Variants in TSPAN18 observed in about 807,000 individuals in gnomAD.
The protein encoded by TSPAN18 is tetraspanin 18.
Under a neutral mutation model 27.3 loss-of-function variants are expected in TSPAN18, and 14 were observed. The ratio of observed to expected loss-of-function variants is 0.51; its 90% CI spans 0.34 to 0.80. The LOEUF is 0.80. TSPAN18 is among the 30% of genes least tolerant of loss of function. The pLI is 0.01. For missense variants in TSPAN18, 268 were observed against 323.9 expected (o/e 0.83, Z 1.32); for synonymous variants, 143 against 136.5 (o/e 1.05, Z -0.33).
At chr11:44,798,620 T>G (rs1856405627) in intron 2 of TSPAN18, among the ~76,000 whole-genome samples, 1 of 152,130 alleles carries the variant, frequency 6.6e-6, no homozygotes, top group African/African-American at 2.4e-5. Context: ...TGGGCAGCCC[T>G]CACCCCCTGC....
chr11:44,793,651 A>G (rs774503505), intron 2 of TSPAN18, among the ~76,000 whole-genome samples: 42 of 152,194 alleles, frequency 2.8e-4, no homozygotes, highest in Non-Finnish European at 5.3e-4. Context: ...GTGCATTGCC[A>G]GGAATGCTTG....
At chr11:44,802,569 A>G (rs1026769018) in intron 2 of TSPAN18, among the ~76,000 whole-genome samples, 3 of 143,270 alleles carry the variant, frequency 2.1e-5, no homozygotes, top group African/African-American at 8.0e-5. Flanking sequence ...CCCAGCCCCC[A>G]CTGGATGGAG....
At chr11:44,811,411 A>G (rs1443050250) in intron 2 of TSPAN18, among the ~76,000 whole-genome samples, 3 of 152,146 alleles carry the variant, frequency 2.0e-5, no homozygotes, top group South Asian at 2.1e-4. Context: ...TGTAAGCACA[A>G]TTAATCTCCT....
chr11:44,900,680 C>CTTTTTTTTTTTTTTTT (rs72469181), intron 3 of TSPAN18, among the ~76,000 whole-genome samples: 2 of 49,702 alleles, frequency 4.0e-5, no homozygotes, highest in African/African-American at 1.8e-4. Flanking sequence ...TTGAGGAAGG[C>CTTTTTTTTTTTTTTTT]TTTTTTTTTT....
intron 2 of TSPAN18, among the ~76,000 whole-genome samples, chr11:44,826,148 C>T (rs1278800893): frequency 6.6e-6 from 1 of 152,214 alleles, no homozygotes; most frequent in Admixed American, 6.5e-5. Flanking sequence ...AAGGGCCGGA[C>T]GTGGTGGCTT....
At chr11:44,913,078 G>A (rs1367383461) in intron 5 of TSPAN18, among the ~76,000 whole-genome samples, 1 of 152,212 alleles carries the variant, frequency 6.6e-6, no homozygotes, top group South Asian at 2.1e-4. Flanking sequence ...GGTTCCAACC[G>A]AAGAGGGCAT....
intron 2 of TSPAN18, among the ~76,000 whole-genome samples, chr11:44,837,360 G>A (rs999585185): frequency 1.3e-5 from 2 of 152,152 alleles, no homozygotes; most frequent in Non-Finnish European, 2.9e-5. Flanking sequence ...GGAGGCTGAG[G>A]CTGTGACTGA....
At chr11:44,736,643 C>T (rs1471083723) in intron 1 of TSPAN18, 2 of 152,124 alleles carry the variant, frequency 1.3e-5, no homozygotes, top group Non-Finnish European at 2.9e-5. Context: ...CCTGAAGGGT[C>T]TAGGGATTTA....
intron 1 of TSPAN18, among the ~76,000 whole-genome samples, chr11:44,762,101 CA>C (rs1385444976): frequency 6.6e-6 from 1 of 152,178 alleles, no homozygotes; most frequent in Non-Finnish European, 1.5e-5. Context: ...GGGATGTGGC[CA>C]GCCTCTCCTC....
intron 1 of TSPAN18, among the ~76,000 whole-genome samples, chr11:44,761,180 T>C (rs574296087): frequency 6.6e-6 from 1 of 152,294 alleles, no homozygotes; most frequent in African/African-American, 2.4e-5. Flanking sequence ...CAGAGCAAGA[T>C]CAAGTCTGGG....
At chr11:44,744,271 T>C (rs1404728954) in intron 1 of TSPAN18, among the ~76,000 whole-genome samples, 1 of 152,240 alleles carries the variant, frequency 6.6e-6, no homozygotes, top group Non-Finnish European at 1.5e-5. Flanking sequence ...AACCTCTTTC[T>C]TCTAGCCCAG....
In TSPAN18 at chr11:44,761,706, G is replaced by A. The variant is rs557580934; in HGVS notation, c.-239-2720G>A. On this transcript the variant is annotated intron_variant, in intron 1 of 9. Coordinates refer to ENST00000520358, the MANE Select transcript of TSPAN18 (RefSeq NM_130783.5). ...CGGCATGGCTGCAGCTTTTAATTCC[G>A]TTAATGTGTGACATTCACCCAGGCT... Among the ~76,000 whole-genome samples, 16 of 152,320 alleles carry A rather than the reference G, an allele frequency of 1.1e-4. No individual in the cohort carries two copies. The East Asian group carries it at 1.5e-3, about 15-fold the overall frequency.
chr11:44,902,276 A>T (rs1463897828), intron 3 of TSPAN18, among the ~76,000 whole-genome samples: 1 of 152,256 alleles, frequency 6.6e-6, no homozygotes, highest in Non-Finnish European at 1.5e-5. Context: ...AGGCTAAGTC[A>T]CTTGCCCAAA....
chr11:44,853,857 G>T (rs986287856), intron 2 of TSPAN18, among the ~76,000 whole-genome samples: 1 of 152,122 alleles, frequency 6.6e-6, no homozygotes, highest in African/African-American at 2.4e-5. Flanking sequence ...TGGGCCTCCC[G>T]GTTCTGTGTG....
At chr11:44,920,777 C>G (rs529982321) in intron 8 of TSPAN18, among the ~76,000 whole-genome samples, 3 of 152,312 alleles carry the variant, frequency 2.0e-5, no homozygotes, top group African/African-American at 4.8e-5. Flanking sequence ...ATGGAGAGTT[C>G]CAGATGCAAG....
chr11:44,810,320 A>G (rs1590510958), intron 2 of TSPAN18, among the ~76,000 whole-genome samples: 1 of 151,970 alleles, frequency 6.6e-6, no homozygotes, highest in Non-Finnish European at 1.5e-5. Flanking sequence ...CGCAACCACC[A>G]ATTCCTCTTC....
chr11:44,836,885 A>T (rs942873221), intron 2 of TSPAN18, among the ~76,000 whole-genome samples: 1 of 152,232 alleles, frequency 6.6e-6, no homozygotes, highest in Non-Finnish European at 1.5e-5. Context: ...TAAGCCCATT[A>T]TTGAGACCCA....
chr11:44,853,998 A>G (rs1269925143), intron 2 of TSPAN18, among the ~76,000 whole-genome samples: 1 of 152,198 alleles, frequency 6.6e-6, no homozygotes, highest in Non-Finnish European at 1.5e-5. Flanking sequence ...ACCCTCGGCA[A>G]TAAAATATTT....
chr11:44,790,948 G>A (rs1474815942), intron 2 of TSPAN18, among the ~76,000 whole-genome samples: 1 of 152,168 alleles, frequency 6.6e-6, no homozygotes, highest in Non-Finnish European at 1.5e-5. Context: ...TTTTGTGTTT[G>A]AAGCTGGAGT....
Sources: gnomAD v4.1 joint callset for allele counts (sites outside exome capture counted in the v4.1 genomes callset) on GRCh38, gnomAD v4.1.1 for gene constraint, MANE v1.5 for transcripts, NCBI Gene and HGNC (gene_info 2026-07-23, HGNC 2026-07-21) for gene names.